GAD1: variants seen among roughly 807,000 people sequenced by gnomAD.
GAD1 encodes glutamate decarboxylase 1.
Under a neutral mutation model 75.2 loss-of-function variants are expected in GAD1, and 35 were observed. The observed-to-expected ratio is 0.47, with a 90% confidence interval of 0.36 to 0.62. The LOEUF is 0.62. Ranked by LOEUF, GAD1 falls within the 20% of genes least tolerant of loss-of-function variation. The pLI, the probability that GAD1 is intolerant of heterozygous loss-of-function variation, is 0.00. For synonymous variants in GAD1, 257 were observed against 271.9 expected, an observed-to-expected ratio of 0.95 and a Z score of 0.54; for missense variants, 490 against 758.5, an observed-to-expected ratio of 0.65 and a Z score of 4.16.
chr2:170,815,960 C>T (rs1701687552), upstream of GAD1, among the ~76,000 whole-genome samples: 1 of 152,232 alleles, frequency 6.6e-6, no homozygotes. Context: ...CTTCTCCCAA[C>T]GCAGCGGTTC....
At chr2:170,856,463 C>T (rs1008472750) in intron 14 of GAD1, among the ~76,000 whole-genome samples, 4 of 152,230 alleles carry the variant, frequency 2.6e-5, no homozygotes, top group Admixed American at 2.6e-4. Context: ...AGTTCTACAG[C>T]AGTATCTTTC....
At chr2:170,845,433 C>G (rs1270997872) in intron 7 of GAD1, 73 bp from the exon 8 acceptor site, 28 of 1,270,990 alleles carry the variant, frequency 2.2e-5, no homozygotes, top group Non-Finnish European at 2.9e-5. Flanking sequence ...CTTGAGACAC[C>G]AGCTCAGCGT....
intron 14 of GAD1, among the ~76,000 whole-genome samples, chr2:170,855,822 G>A (rs943511428): frequency 1.0e-4 from 14 of 135,700 alleles, no homozygotes; most frequent in African/African-American, 2.3e-4. Context: ...GCAGTAAGCC[G>A]AGATCATGCC....
chr2:170,816,503 G>A (rs1381468430), upstream of GAD1: 1 of 152,180 alleles, frequency 6.6e-6, no homozygotes, highest in East Asian at 1.9e-4. Flanking sequence ...ATATGGGAGG[G>A]GGAGGGGAAA....
At chr2:170,828,266 A>ACCCCT (rs1702085865) in intron 3 of GAD1, among the ~76,000 whole-genome samples, 1 of 32,290 alleles carries the variant, frequency 3.1e-5, no homozygotes, top group Non-Finnish European at 5.7e-5. Context: ...TGCTGTCCTC[A>ACCCCT]CCCCTCCCCT....
rs536060551 is a variant in GAD1 at position 170,818,538 on chromosome 2, G to C, written c.-54G>C. ...TCGCTTCTCTTTGCAGCCTGTTTCT[G>C]CGCCGGACCAGTCGAGGACTCTGGA... On this transcript the variant is annotated 5_prime_UTR_variant, in exon 2 of 17. Transcript: ENST00000358196. This position sits in a 1 kb window ranked among gnomAD's most constrained non-coding sequence, Gnocchi z 5.9. The C allele has an allele frequency of 2.6e-6, 4 of 1,519,688 alleles. No individual in the cohort carries two copies. Among genetic ancestry groups the C allele is most frequent in the Non-Finnish European group, 3.7e-6 (4 of 1,093,776 alleles). 94.1% of individuals were successfully genotyped at this position (1,519,688 alleles called of 1,614,324 possible).
At chr2:170,829,802 C>T (rs1236141245) in intron 4 of GAD1, 169 bp downstream of exon 4, 1 of 708,402 alleles carries the variant, frequency 1.4e-6, no homozygotes, top group Non-Finnish European at 2.3e-6. Context: ...CTCCCTCCCT[C>T]CCTGCTGGCC....
chr2:170,830,530 C>T (rs893165914), intron 4 of GAD1, among the ~76,000 whole-genome samples: 4 of 152,260 alleles, frequency 2.6e-5, no homozygotes, highest in African/African-American at 9.6e-5. Context: ...CCTCTACCCA[C>T]AGAGGCCTTA....
At position 170,846,043 on chromosome 2, in the gene GAD1, A is replaced by C; in HGVS notation, c.982A>C (p.Ile328Leu). 6.2e-7 allele frequency: 1 copy of C among 1,613,880 alleles called. No individual in the cohort carries two copies. Among genetic ancestry groups the C allele is most frequent in the South Asian group, 1.1e-5 (1 of 91,076 alleles). ...KIIPADFEAK[I>L]LEAKQKGYVP... ...AATTCCAGCTGATTTTGAGGCAAAA[A>C]TTCTTGAAGCCAAACAGAAGGTATG... Residue 328 changes from isoleucine (I) to leucine (L), a missense_variant, in exon 10 of 17, where the codon ATT (isoleucine) becomes CTT (leucine). By Grantham distance (5) the Ile-to-Leu change is conservative. Coordinates refer to ENST00000358196, the MANE Select transcript of GAD1 (RefSeq NM_000817.3).
At chr2:170,856,832 C>T (rs1702864050) in intron 14 of GAD1, among the ~76,000 whole-genome samples, 186 bp from the exon 15 acceptor site, 1 of 152,174 alleles carries the variant, frequency 6.6e-6, no homozygotes, top group Admixed American at 6.5e-5. Context: ...AAAGAGGAAG[C>T]AGGCACACAT....
chr2:170,830,859 A>G (rs947424107), intron 4 of GAD1, 91 bp from the exon 5 acceptor site: 5 of 1,525,722 alleles, frequency 3.3e-6, no homozygotes, highest in Non-Finnish European at 4.5e-6. Context: ...TCAGGCCTAT[A>G]CAGATAGCAT....
chr2:170,815,608 C>T (rs901896059), upstream of GAD1, among the ~76,000 whole-genome samples: 2 of 152,176 alleles, frequency 1.3e-5, no homozygotes, highest in African/African-American at 2.4e-5. Context: ...ATAAATAACC[C>T]CTGCGTGCTG....
intron 6 of GAD1, among the ~76,000 whole-genome samples, chr2:170,840,072 C>G (rs1018428148): frequency 2.0e-5 from 3 of 152,202 alleles, no homozygotes; most frequent in Non-Finnish European, 2.9e-5. Flanking sequence ...TGCTTAAACA[C>G]ACTAACTCGG....
intron 3 of GAD1, among the ~76,000 whole-genome samples, chr2:170,822,453 C>T (rs1211047631): frequency 6.6e-6 from 1 of 152,222 alleles, no homozygotes; most frequent in Admixed American, 6.5e-5. Flanking sequence ...GCGCGGCAAC[C>T]CCGCCTTCCT....
intron 6 of GAD1, among the ~76,000 whole-genome samples, chr2:170,842,021 C>G: frequency 6.6e-6 from 1 of 152,156 alleles, no homozygotes; most frequent in East Asian, 1.9e-4. Context: ...GAATCAGGTA[C>G]CTGGCATAGA....
chr2:170,843,750 C>A, intron 6 of GAD1: 1 of 338,212 alleles, frequency 3.0e-6, no homozygotes, highest in Non-Finnish European at 5.5e-6. Context: ...ATTTTCTTTC[C>A]TTCTATTCCT....
upstream of GAD1, among the ~76,000 whole-genome samples, chr2:170,815,922 T>C (rs898378199): frequency 6.6e-6 from 1 of 152,216 alleles, no homozygotes; most frequent in African/African-American, 2.4e-5. Flanking sequence ...TGGGAATTTC[T>C]CTTTCAACGC....
chr2:170,843,980 T>C, intron 6 of GAD1, 65 bp from the exon 7 acceptor site: 1 of 870,316 alleles, frequency 1.1e-6, no homozygotes, highest in East Asian at 2.5e-5. Context: ...CAATCCTCTG[T>C]GTTCCTAAAA....
At chr2:170,842,556 C>T in intron 6 of GAD1, 2 of 1,613,374 alleles carry the variant, frequency 1.2e-6, no homozygotes, top group Non-Finnish European at 1.7e-6. Context: ...TTCTCTTCTT[C>T]TTCCTTTATC....
Sources: gnomAD v4.1 joint callset for allele counts (sites outside exome capture counted in the v4.1 genomes callset) on GRCh38, gnomAD v4.1.1 for gene constraint, Gnocchi (gnomAD v3.1) non-coding constraint, MANE v1.5 for transcripts, NCBI Gene and HGNC (gene_info 2026-07-23, HGNC 2026-07-21) for gene names.